The following DNAH6 variants were observed in gnomAD, a reference collection of about 807,000 sequenced individuals.
DNAH6 encodes dynein axonemal heavy chain 6, also known as axonemal beta dynein heavy chain 6.
In DNAH6, 340 loss-of-function variants were observed where a neutral mutation model predicts 491.4. The observed-to-expected ratio is 0.69, with a 90% CI of 0.63 to 0.76. The LOEUF (loss-of-function observed/expected upper bound fraction) is 0.76. DNAH6 is among the 30% of genes least tolerant of loss of function. The probability of loss-of-function intolerance (pLI) is 0.00; values close to 1 mark genes in which losing one functional copy is unlikely to be tolerated. For synonymous variants in DNAH6, 1,603 were observed against 1,686.1 expected, an observed-to-expected ratio of 0.95 and a Z score of 1.21; for missense variants, 4,443 against 4,972.2, an observed-to-expected ratio of 0.89 and a Z score of 3.20.
chr2:84,701,253 C>A lies in DNAH6; in HGVS notation c.7975C>A (p.Arg2659=). 1.3e-6 allele frequency: 2 copies of A among 1,551,720 alleles called. No individual in the cohort carries two copies. The highest frequency in any genetic ancestry group is 1.4e-5 in the African/African-American group (1 of 73,122). The stretch of plus-strand genomic sequence containing the variant: ...GCGCTATTACAATGAGCTGCGCAGG[C>A]GGTACTACACGACACCCACCTCCTA... ...AERYYNELRR[R]YYTTPTSYLE... The change falls in exon 49 of 77, where the codon CGG becomes AGG. Residue 2659 remains arginine (R), a synonymous_variant. Transcript: ENST00000389394.
At chr2:84,749,137 G>C (rs1057182448) in intron 63 of DNAH6, among the ~76,000 whole-genome samples, 1 of 152,108 alleles carries the variant, frequency 6.6e-6, no homozygotes, top group Non-Finnish European at 1.5e-5. Context: ...CCAGTATTGG[G>C]AATCATATTT....
intron 41 of DNAH6, among the ~76,000 whole-genome samples, chr2:84,680,563 G>A (rs1331842672): frequency 6.6e-6 from 1 of 152,012 alleles, no homozygotes; most frequent in Non-Finnish European, 1.5e-5. Context: ...GAGGGGAGCA[G>A]CAGTGCAGGG....
chr2:84,769,192 G>A (rs1018681338), intron 64 of DNAH6, among the ~76,000 whole-genome samples: 7 of 152,222 alleles, frequency 4.6e-5, no homozygotes, highest in African/African-American at 1.7e-4. Context: ...TGCGGATCCA[G>A]CCGCTGAGAA....
chr2:84,599,791 T>A (rs1157369246), intron 18 of DNAH6, among the ~76,000 whole-genome samples: 1 of 152,198 alleles, frequency 6.6e-6, no homozygotes, highest in Non-Finnish European at 1.5e-5. Context: ...AATCAAGTAG[T>A]CTTAATCCTC....
At chr2:84,685,503 T>C in intron 43 of DNAH6, 31 bp downstream of exon 43, 6 of 1,342,528 alleles carry the variant, frequency 4.5e-6, no homozygotes, top group Non-Finnish European at 5.9e-6. Context: ...ATTCTTTTTT[T>C]TATTTGAGTA....
At chr2:84,605,314 C>T (rs534887188) in intron 19 of DNAH6, among the ~76,000 whole-genome samples, 186 bp from the exon 20 acceptor site, 9 of 147,222 alleles carry the variant, frequency 6.1e-5, no homozygotes, top group Non-Finnish European at 1.2e-4. Flanking sequence ...GGTTACACCA[C>T]CGCACTCCAG....
chr2:84,628,432 A>T (rs1247127682), intron 29 of DNAH6, among the ~76,000 whole-genome samples: 1 of 152,068 alleles, frequency 6.6e-6, no homozygotes, highest in Non-Finnish European at 1.5e-5. Context: ...GGGCAGGAGG[A>T]GGTTACACTA....
intron 22 of DNAH6, among the ~76,000 whole-genome samples, chr2:84,614,648 C>T (rs961310171): frequency 6.6e-6 from 1 of 152,122 alleles, no homozygotes; most frequent in African/African-American, 2.4e-5. Context: ...TACATTCCCA[C>T]CAGCAGTGGA....
At chr2:84,502,966 A>G in the DNAH6 span, among the ~76,000 whole-genome samples, 1 of 152,170 alleles carries the variant, frequency 6.6e-6, no homozygotes, top group South Asian at 2.1e-4. Context: ...ATGTCTTTTG[A>G]TTGGAGAGTT....
chr2:84,672,356 T>G lies in DNAH6; in HGVS notation c.6484T>G (p.Phe2162Val). Residue 2162 changes from phenylalanine (F) to valine (V), a missense_variant, in exon 40 of 77, where the codon TTT becomes GTT. Phe to Val is a conservative substitution (Grantham distance 50, BLOSUM62 -1). Coordinates refer to ENST00000389394, the MANE Select transcript of DNAH6 (RefSeq NM_001370.2). ...ACCGGGAAACAAACGAATTGTGATT[T>G]TTGTTGATGATTTAAACATGCCCAG... ...GAPGNKRIVIFVDDLNMPRLD... is the reference protein window; with the variant it reads ...GAPGNKRIVIVVDDLNMPRLD... 3 of 1,550,412 alleles carry G rather than the reference T, an allele frequency of 1.9e-6. No individual in the cohort carries two copies. Among genetic ancestry groups the G allele is most frequent in the Non-Finnish European group, 2.6e-6 (3 of 1,146,278 alleles).
Position 84,812,252 on chromosome 2 carries a change from C to T in DNAH6, c.11740-89C>T, listed in dbSNP as rs1276850876. 14 of 1,252,006 alleles carry T rather than the reference C, an allele frequency of 1.1e-5. No homozygotes were observed. In the Admixed American group the frequency reaches 3.2e-4, roughly 28 times the overall value. 77.6% of individuals were successfully genotyped at this position (1,252,006 alleles called of 1,614,324 possible). Reference sequence around the variant, plus strand: ...GAACCTAGCAACTGGCGCCTCCAGGCAAGGCAGCCCCTGCTGTCATTAATG... The same window carrying T: ...GAACCTAGCAACTGGCGCCTCCAGGTAAGGCAGCCCCTGCTGTCATTAATG... On this transcript the variant is annotated intron_variant, in intron 72 of 76. Transcript: ENST00000389394.
intron 3 of DNAH6, 97 bp from the exon 4 acceptor site, chr2:84,528,807 C>G (rs1322802027): frequency 2.5e-6 from 3 of 1,198,780 alleles, no homozygotes; most frequent in Non-Finnish European, 3.4e-6. Context: ...ACATCTCATG[C>G]AATATGGCAA....
chr2:84,715,415 C>A lies in DNAH6; in HGVS notation c.9544-145C>A, dbSNP rs2104895969. 3 of 660,362 alleles carry A rather than the reference C, an allele frequency of 4.5e-6. No homozygotes were observed. The South Asian group carries it at 6.5e-5, about 14-fold the overall frequency. The allele number at this position is 660,362 out of a possible 1,614,324, so 40.9% of individuals were successfully genotyped here. ...TGAGGATTTTATAAGCCACAGTACACCTAAAGTATGTGTGGGGGTAGGTGT... is the reference window on the plus strand; with the variant it reads ...TGAGGATTTTATAAGCCACAGTACAACTAAAGTATGTGTGGGGGTAGGTGT... On this transcript the variant is annotated intron_variant, in intron 57 of 76. Transcript: ENST00000389394.
chr2:84,528,801 C>A, intron 3 of DNAH6, 103 bp from the exon 4 acceptor site: 2 of 1,157,692 alleles, frequency 1.7e-6, no homozygotes, highest in South Asian at 3.3e-5. Context: ...CCCTAGACAT[C>A]TCATGCAATA....
chr2:84,668,606 A>G (rs1008698782), intron 37 of DNAH6, among the ~76,000 whole-genome samples: 13 of 151,794 alleles, frequency 8.6e-5, no homozygotes, highest in African/African-American at 2.9e-4. Context: ...CATACACCAT[A>G]TTTTCCATGG....
chr2:84,559,232 A>G (rs1249429853), intron 11 of DNAH6, among the ~76,000 whole-genome samples: 1 of 152,172 alleles, frequency 6.6e-6, no homozygotes, highest in Non-Finnish European at 1.5e-5. Context: ...CTGGTGTATC[A>G]GAGGACTGTC....
At chr2:84,760,245 A>T (rs1674444105) in intron 63 of DNAH6, among the ~76,000 whole-genome samples, 2 of 152,228 alleles carry the variant, frequency 1.3e-5, no homozygotes, top group African/African-American at 4.8e-5. Context: ...TCTTCTTGAC[A>T]TTGGTCTAGG....
chr2:84,509,100 T>C, the DNAH6 span, among the ~76,000 whole-genome samples: 1 of 152,208 alleles, frequency 6.6e-6, no homozygotes, highest in East Asian at 1.9e-4. Flanking sequence ...GGTGCAGAGC[T>C]GAGTTCAATT....
At chr2:84,481,298 C>T in the DNAH6 span, among the ~76,000 whole-genome samples, 1,072 of 152,260 alleles carry the variant, frequency 7.0e-3, 13 homozygotes, top group African/African-American at 0.025. Flanking sequence ...CTTTCAAATG[C>T]ATGCTAACAC....
Sources: gnomAD v4.1 joint callset for allele counts (sites outside exome capture counted in the v4.1 genomes callset) on GRCh38, gnomAD v4.1.1 for gene constraint, MANE v1.5 for transcripts, NCBI Gene and HGNC (gene_info 2026-07-23, HGNC 2026-07-21) for gene names.